MAF: variants seen among roughly 807,000 people sequenced by gnomAD.
MAF encodes the protein MAF bZIP transcription factor, also known as transcription factor Maf.
In MAF, 10 loss-of-function variants were observed where a neutral mutation model predicts 22.0. The observed-to-expected ratio is 0.45, with a 90% CI of 0.28 to 0.77. The LOEUF is 0.77. Among genes scored for constraint, MAF ranks in the 30% least tolerant of loss-of-function variants. The pLI, the probability that MAF is intolerant of heterozygous loss-of-function variation, is 0.12. For synonymous variants in MAF, 337 were observed against 255.8 expected (o/e 1.32, Z -3.03); for missense variants, 544 against 548.4 (o/e 0.99, Z 0.08).
At chr16:79,241,327 C>G in the MAF span, among the ~76,000 whole-genome samples, 1 of 151,964 alleles carries the variant, frequency 6.6e-6, no homozygotes, top group Non-Finnish European at 1.5e-5. Context: ...ACTGGAATAA[C>G]CAGTTTAAAG....
the MAF span, among the ~76,000 whole-genome samples, chr16:79,244,830 A>G: frequency 2.6e-5 from 4 of 152,224 alleles, no homozygotes; most frequent in East Asian, 3.9e-4. Flanking sequence ...CTACATGGCT[A>G]CAGTAACAAA....
At chr16:79,512,690 T>G in the MAF span, among the ~76,000 whole-genome samples, 3 of 152,086 alleles carry the variant, frequency 2.0e-5, no homozygotes, top group Non-Finnish European at 4.4e-5. Flanking sequence ...TATTCAAATG[T>G]GAAGAAAATA....
chr16:79,322,685 G>C, the MAF span, among the ~76,000 whole-genome samples: 1 of 152,028 alleles, frequency 6.6e-6, no homozygotes, highest in African/African-American at 2.4e-5. Flanking sequence ...TGAGCTTGTG[G>C]GTATCTAGGG....
At chr16:79,399,055 TC>T in the MAF span, among the ~76,000 whole-genome samples, 1 of 152,184 alleles carries the variant, frequency 6.6e-6, no homozygotes, top group Admixed American at 6.5e-5. Context: ...CAATAGGCAC[TC>T]AGTAGACAGA....
the MAF span, among the ~76,000 whole-genome samples, chr16:79,462,024 C>G: frequency 5.3e-5 from 8 of 152,176 alleles, no homozygotes; most frequent in Non-Finnish European, 1.2e-4. Context: ...CAAATGGAGT[C>G]TCTACTTTCT....
chr16:79,364,320 A>G, the MAF span, among the ~76,000 whole-genome samples: 1 of 152,170 alleles, frequency 6.6e-6, no homozygotes, highest in East Asian at 1.9e-4. Context: ...TGGGGGACCA[A>G]ATTAAAGTAG....
the MAF span, among the ~76,000 whole-genome samples, chr16:79,270,582 G>A: frequency 6.6e-6 from 1 of 152,202 alleles, no homozygotes; most frequent in Non-Finnish European, 1.5e-5. Context: ...TCATTGCTTA[G>A]GTAGGGCTGG....
the MAF span, among the ~76,000 whole-genome samples, chr16:79,218,486 G>T: frequency 6.6e-6 from 1 of 152,152 alleles, no homozygotes; most frequent in Non-Finnish European, 1.5e-5. Context: ...TGATCCAACA[G>T]CTCCTACTGG....
the MAF span, among the ~76,000 whole-genome samples, chr16:79,328,226 C>T: frequency 3.0e-4 from 45 of 152,180 alleles, no homozygotes; most frequent in African/African-American, 1.1e-3. Context: ...AGGGCATTGC[C>T]TGGCCAATAT....
the MAF span, among the ~76,000 whole-genome samples, chr16:79,213,906 C>CTCT: frequency 6.6e-6 from 1 of 152,188 alleles, no homozygotes; most frequent in South Asian, 2.1e-4. Context: ...TACCCTACTT[C>CTCT]TCTTATAATT....
At chr16:79,222,395 A>G in the MAF span, among the ~76,000 whole-genome samples, 2 of 152,228 alleles carry the variant, frequency 1.3e-5, no homozygotes, top group African/African-American at 4.8e-5. Context: ...ACCAAATTGT[A>G]AAGACCATCA....
chr16:79,286,407 C>T, the MAF span, among the ~76,000 whole-genome samples: 6 of 152,124 alleles, frequency 3.9e-5, no homozygotes, highest in Non-Finnish European at 7.4e-5. Flanking sequence ...AAAGTTGGCC[C>T]CACCATCAAG....
At chr16:79,496,866 A>G in the MAF span, among the ~76,000 whole-genome samples, 2 of 152,186 alleles carry the variant, frequency 1.3e-5, no homozygotes, top group Non-Finnish European at 1.5e-5. Flanking sequence ...TCCAATCATG[A>G]CAAATCCCTC....
At chr16:79,457,309 C>T in the MAF span, among the ~76,000 whole-genome samples, 2 of 151,898 alleles carry the variant, frequency 1.3e-5, no homozygotes, top group African/African-American at 4.8e-5. Flanking sequence ...TTTGACATGG[C>T]TGCCCTCCCA....
the MAF span, among the ~76,000 whole-genome samples, chr16:79,418,412 T>TCA: frequency 1.3e-5 from 2 of 152,106 alleles, no homozygotes; most frequent in African/African-American, 4.8e-5. Flanking sequence ...GGACGATTAT[T>TCA]CACTCATTCT....
the MAF span, among the ~76,000 whole-genome samples, chr16:79,244,223 A>G: frequency 2.6e-5 from 4 of 152,054 alleles, no homozygotes; most frequent in Admixed American, 2.6e-4. Context: ...CAGGACAATC[A>G]GACAAGAGAA....
chr16:79,577,151 G>A, the MAF span, among the ~76,000 whole-genome samples: 1 of 152,186 alleles, frequency 6.6e-6, no homozygotes, highest in East Asian at 1.9e-4. Flanking sequence ...TGTTTTCAGA[G>A]CCGGAGGGGT....
chr16:79,487,515 T>G, the MAF span, among the ~76,000 whole-genome samples: 3 of 152,122 alleles, frequency 2.0e-5, no homozygotes, highest in Non-Finnish European at 2.9e-5. Flanking sequence ...AAGAAGGCAT[T>G]TTTTCTGTTT....
At chr16:79,572,637 G>C in the MAF span, among the ~76,000 whole-genome samples, 1 of 152,130 alleles carries the variant, frequency 6.6e-6, no homozygotes, top group Admixed American at 6.5e-5. Context: ...CCAAATGCCA[G>C]GCACTGACCA....
Sources: gnomAD v4.1 joint callset for allele counts (sites outside exome capture counted in the v4.1 genomes callset) on GRCh38, gnomAD v4.1.1 for gene constraint, MANE v1.5 for transcripts, NCBI Gene and HGNC (gene_info 2026-07-23, HGNC 2026-07-21) for gene names.